RTL9: variants seen among roughly 807,000 people sequenced by gnomAD.
RTL9 encodes retrotransposon Gag-like protein 9.
In RTL9, 19 loss-of-function variants were observed where a neutral mutation model predicts 44.7. The observed-to-expected ratio is 0.42, with a 90% CI of 0.30 to 0.62. The LOEUF is 0.62. Ranked by LOEUF, RTL9 falls within the 20% of genes least tolerant of loss-of-function variation. The pLI, the probability that RTL9 is intolerant of heterozygous loss-of-function variation, is 0.16. For synonymous variants in RTL9, 407 were observed against 398.9 expected, an observed-to-expected ratio of 1.02 and a Z score of -0.24; for missense variants, 1,105 against 1,080.6, an observed-to-expected ratio of 1.02 and a Z score of -0.32.
intron 1 of RTL9, among the ~76,000 whole-genome samples, 191 bp from the exon 4 acceptor site, chrX:110,455,011 C>G (rs2068972289): frequency 9.0e-6 from 1 of 111,531 alleles, no homozygotes; most frequent in Non-Finnish European, 1.9e-5. Context: ...TGGGGCCCAT[C>G]TACAGCAACA....
At chrX:110,405,875 C>A (rs2068597521) in intron 1 of RTL9, among the ~76,000 whole-genome samples, 1 of 111,673 alleles carries the variant, frequency 9.0e-6, no homozygotes, top group African/African-American at 3.3e-5. Context: ...CTTGTAAAGT[C>A]AAACAGTCTC....
chrX:110,416,037 A>G (rs1444443370), upstream of RTL9, among the ~76,000 whole-genome samples: 1 of 110,184 alleles, frequency 9.1e-6, no homozygotes, highest in East Asian at 2.8e-4. Flanking sequence ...AAGCAGACTC[A>G]GATGATTAAC....
intron 1 of RTL9, among the ~76,000 whole-genome samples, chrX:110,393,675 T>C (rs2068509836): frequency 8.9e-6 from 1 of 112,228 alleles, no homozygotes; most frequent in Non-Finnish European, 1.9e-5. Flanking sequence ...GGCACAATCC[T>C]ATACAGCAGG....
chrX:110,371,680 C>T (rs1263150344), intron 1 of RTL9, among the ~76,000 whole-genome samples: 1 of 111,225 alleles, frequency 9.0e-6, no homozygotes, highest in Non-Finnish European at 1.9e-5. Context: ...TCTCCTGGCT[C>T]CCTCTTTATG....
At chrX:110,410,537 G>T (rs1429504416) in intron 1 of RTL9, among the ~76,000 whole-genome samples, 1 of 111,831 alleles carries the variant, frequency 8.9e-6, no homozygotes, top group Admixed American at 9.5e-5. Context: ...GAAAATAGGA[G>T]CTTTTAAAAA....
intron 1 of RTL9, among the ~76,000 whole-genome samples, chrX:110,402,938 G>A (rs895424099): frequency 3.6e-5 from 4 of 112,084 alleles, no homozygotes; most frequent in Non-Finnish European, 7.5e-5. Context: ...GGGTTCACTG[G>A]GTGTTCCCCT....
intron 1 of RTL9, among the ~76,000 whole-genome samples, chrX:110,442,178 G>A (rs2068884538): frequency 9.3e-6 from 1 of 108,043 alleles, no homozygotes; most frequent in African/African-American, 3.4e-5. Flanking sequence ...AGGTTGTTGA[G>A]CTCTGGCTGA....
chrX:110,375,392 T>C (rs909211622), intron 1 of RTL9, among the ~76,000 whole-genome samples: 1 of 111,905 alleles, frequency 8.9e-6, no homozygotes, highest in Non-Finnish European at 1.9e-5. Context: ...TACTTAAACA[T>C]TGAGGCTAGT....
At chrX:110,453,882 T>G in exon 1 of RTL9, 1 of 1,211,952 alleles carries the variant, frequency 8.3e-7, no homozygotes, top group Non-Finnish European at 1.1e-6. Context: ...ACAGACAGCC[T>G]TTGGAGTGAT....
At chrX:110,384,228 T>G (rs931246240) in intron 1 of RTL9, among the ~76,000 whole-genome samples, 8 of 111,179 alleles carry the variant, frequency 7.2e-5, no homozygotes, top group Non-Finnish European at 1.5e-4. Flanking sequence ...TCCCCCATAG[T>G]GCCTGGTGTT....
chrX:110,373,916 A>G (rs2068357825), intron 1 of RTL9, among the ~76,000 whole-genome samples: 1 of 112,224 alleles, frequency 8.9e-6, no homozygotes, highest in South Asian at 3.7e-4. Context: ...CAAATAAGTT[A>G]TGAGTGAAGA....
At chrX:110,416,395 G>A (rs2068677901), upstream of RTL9, among the ~76,000 whole-genome samples, 1 of 112,175 alleles carries the variant, frequency 8.9e-6, no homozygotes, top group Non-Finnish European at 1.9e-5. Context: ...CTTTAAAAAT[G>A]TTAGATTATT....
At chrX:110,433,194 CAT>C (rs1435413427) in intron 1 of RTL9, among the ~76,000 whole-genome samples, 1 of 112,585 alleles carries the variant, frequency 8.9e-6, no homozygotes, top group African/African-American at 3.2e-5. Flanking sequence ...CCTGACGTCA[CAT>C]AGTTGATTGA....
intron 1 of RTL9, among the ~76,000 whole-genome samples, chrX:110,404,314 G>A (rs1322408786): frequency 9.0e-6 from 1 of 111,329 alleles, no homozygotes; most frequent in African/African-American, 3.3e-5. Context: ...CTTTCCTTCC[G>A]AAATTGTGGC....
At chrX:110,402,433 T>C (rs1485559002) in intron 1 of RTL9, among the ~76,000 whole-genome samples, 1 of 112,880 alleles carries the variant, frequency 8.9e-6, no homozygotes, top group Non-Finnish European at 1.9e-5. Flanking sequence ...GCCTTTCCTG[T>C]CAGGGAGAGG....
chrX:110,452,569 G>T (rs1205299045), exon 1 of RTL9: 1 of 1,211,347 alleles, frequency 8.3e-7, no homozygotes. Flanking sequence ...ACAGTTTCTG[G>T]AGCTCTGTCC....
intron 1 of RTL9, among the ~76,000 whole-genome samples, chrX:110,408,089 C>CA (rs1442485337): frequency 1.8e-5 from 2 of 112,648 alleles, no homozygotes; most frequent in African/African-American, 6.5e-5. Flanking sequence ...AAGAGAGTGG[C>CA]AACAACAGGT....
At position 110,452,494 on chromosome X, in the gene RTL9, C is replaced by T. The variant is rs372259327; in HGVS notation, c.1877C>T (p.Thr626Met). ...CTAATGACACCCAAAGCCTCAGGAA[C>T]GATGTTCACGGAGAAAATGACAACC... Residue 626 changes from threonine to methionine, a missense_variant, in exon 1 of 2, where the codon ACG (threonine) becomes ATG (methionine). By Grantham distance (81) the Thr-to-Met change is moderately conservative (BLOSUM62 -1). Coordinates refer to ENST00000540313, the Ensembl canonical transcript of RTL9. 5.6e-5 allele frequency: 68 copies of T among 1,209,705 alleles called. No individual in the cohort carries two copies. In the African/African-American group the frequency reaches 6.8e-4, roughly 12 times the overall value.
At chrX:110,366,440 G>C (rs2068297832) in intron 1 of RTL9, among the ~76,000 whole-genome samples, 1 of 111,648 alleles carries the variant, frequency 9.0e-6, no homozygotes, top group Admixed American at 9.5e-5. Flanking sequence ...TAGTGGTTCT[G>C]AAAAATGCAA....
Sources: gnomAD v4.1 joint callset for allele counts (sites outside exome capture counted in the v4.1 genomes callset) on GRCh38, gnomAD v4.1.1 for gene constraint, MANE v1.5 for transcripts, NCBI Gene and HGNC (gene_info 2026-07-23, HGNC 2026-07-21) for gene names.